GPR39: variants seen among roughly 807,000 people sequenced by gnomAD.
The protein encoded by GPR39 is zinc sensing receptor.
GPR39 carries 23 observed loss-of-function variants against 18.4 expected under a neutral mutation model. That is an observed-to-expected ratio of 1.25 (90% confidence interval 0.90 to 1.77). GPR39 has a LOEUF of 1.77. GPR39 is among the 40% of genes most tolerant of loss of function. The probability of loss-of-function intolerance (pLI) is 0.00; values close to 1 mark genes in which losing one functional copy is unlikely to be tolerated. For missense variants in GPR39, 647 were observed against 602.4 expected, an observed-to-expected ratio of 1.07 and a Z score of -0.78; for synonymous variants, 280 against 257.9, an observed-to-expected ratio of 1.09 and a Z score of -0.82.
intron 1 of GPR39, among the ~76,000 whole-genome samples, chr2:132,644,496 G>GT (rs1405899627): frequency 1.3e-5 from 2 of 152,204 alleles, no homozygotes; most frequent in Non-Finnish European, 2.9e-5. Context: ...ATGATTATAG[G>GT]TGTGCATACC....
At chr2:132,577,337 C>CTG (rs1680547239) in intron 1 of GPR39, among the ~76,000 whole-genome samples, 3 of 146,158 alleles carry the variant, frequency 2.1e-5, no homozygotes, top group African/African-American at 8.4e-5. Flanking sequence ...AGCCTGGGCC[C>CTG]TGTCTCAGAA....
chr2:132,533,527 C>T (rs1295009928), intron 1 of GPR39, among the ~76,000 whole-genome samples: 51 of 147,978 alleles, frequency 3.4e-4, no homozygotes, highest in Middle Eastern at 3.5e-3. Flanking sequence ...AAAAAGAGCC[C>T]GCATTGCCAA....
chr2:132,459,811 T>C (rs1349036185), intron 1 of GPR39, among the ~76,000 whole-genome samples: 1 of 152,230 alleles, frequency 6.6e-6, no homozygotes, highest in African/African-American at 2.4e-5. Context: ...CTTGAACTTA[T>C]ATGACACTGA....
intron 1 of GPR39, among the ~76,000 whole-genome samples, chr2:132,537,992 T>C (rs1437834560): frequency 6.6e-6 from 1 of 152,116 alleles, no homozygotes; most frequent in African/African-American, 2.4e-5. Flanking sequence ...GGTTAGAACA[T>C]GCTCCTTTAG....
At position 132,416,831 on chromosome 2, in the gene GPR39, AG is replaced by A; in HGVS notation, c.-210del. ...CATACACTCCCAAACCTCAACACCCAGGCGCCTCCTGGGCCTCTCCTAGGTT... is the reference window on the plus strand; with the variant it reads ...CATACACTCCCAAACCTCAACACCCAGCGCCTCCTGGGCCTCTCCTAGGTT... On this transcript the variant is annotated 5_prime_UTR_variant, in exon 1 of 2. Transcript: ENST00000329321. 1 of 626,884 alleles carries A rather than the reference AG, an allele frequency of 1.6e-6. No homozygotes were observed. Among genetic ancestry groups the A allele is most frequent in the Non-Finnish European group, 2.8e-6 (1 of 361,866 alleles). The allele number at this position is 626,884 out of a possible 1,614,324, so 38.8% of individuals were successfully genotyped here. A position where few individuals can be genotyped will look rare whatever the true frequency, so the allele number is the denominator to read the frequency against.
At chr2:132,454,671 A>G (rs1312848127) in intron 1 of GPR39, among the ~76,000 whole-genome samples, 3 of 152,242 alleles carry the variant, frequency 2.0e-5, no homozygotes, top group East Asian at 3.9e-4. Context: ...TACCTAGTTT[A>G]TTGAGAGTTT....
chr2:132,471,791 GC>G (rs1229102835), intron 1 of GPR39, among the ~76,000 whole-genome samples: 1 of 151,836 alleles, frequency 6.6e-6, no homozygotes, highest in African/African-American at 2.4e-5. Context: ...TACTTCCTTT[GC>G]AATAAAATGG....
intron 1 of GPR39, among the ~76,000 whole-genome samples, chr2:132,458,418 T>G (rs952736915): frequency 1.3e-4 from 19 of 151,578 alleles, no homozygotes; most frequent in Non-Finnish European, 2.5e-4. Context: ...TGAGCTCATA[T>G]ATATCTACTT....
In GPR39 at chr2:132,417,678, C is replaced by T. The variant is rs892439722; in HGVS notation, c.636C>T (p.Asn212=). 3.1e-6 allele frequency: 5 copies of T among 1,614,086 alleles called. No homozygotes were observed. The highest frequency in any genetic ancestry group is 4.2e-6 in the Non-Finnish European group (5 of 1,180,044). ...CCTCCAATATGTCCATCTGTACCAACCTCTCCAGCCGCTGGACCGTGTTCC... is the reference window on the plus strand; with the variant it reads ...CCTCCAATATGTCCATCTGTACCAATCTCTCCAGCCGCTGGACCGTGTTCC... The part of the protein sequence containing the change: ...PETSNMSICT[N]LSSRWTVFQS... The change falls in exon 1 of 2, where the codon AAC becomes AAT. Residue 212 remains asparagine, a synonymous_variant. Transcript: ENST00000329321.
At position 132,417,517 on chromosome 2, in the gene GPR39, G is replaced by A. The variant is rs1378454923; in HGVS notation, c.475G>A (p.Val159Ile). ...PCQVKLLIGF[V>I]WVTSALVALP... ...CCAGGTGAAGCTGCTGATTGGCTTC[G>A]TCTGGGTCACCTCCGCCCTGGTGGC... Residue 159 changes from valine to isoleucine, a missense_variant, in exon 1 of 2, where the codon GTC (valine) becomes ATC (isoleucine). Physicochemically the swap from Val to Ile is conservative, Grantham distance 29. Transcript: ENST00000329321. The A allele has an allele frequency of 6.2e-7, 1 of 1,614,002 alleles. No individual in the cohort carries two copies. Among genetic ancestry groups the A allele is most frequent in the Non-Finnish European group, 8.5e-7 (1 of 1,180,024 alleles).
At chr2:132,575,135 AG>A (rs1680507697) in intron 1 of GPR39, among the ~76,000 whole-genome samples, 1 of 152,202 alleles carries the variant, frequency 6.6e-6, no homozygotes, top group Admixed American at 6.5e-5. Flanking sequence ...AGTACATAAA[AG>A]CTTTCTTACT....
intron 1 of GPR39, among the ~76,000 whole-genome samples, chr2:132,428,660 A>G (rs1188440711): frequency 6.6e-6 from 1 of 152,210 alleles, no homozygotes; most frequent in Non-Finnish European, 1.5e-5. Context: ...TCCCTGGAAT[A>G]CCTATGTCCT....
intron 1 of GPR39, among the ~76,000 whole-genome samples, chr2:132,546,466 C>G (rs998291889): frequency 4.6e-5 from 7 of 152,110 alleles, no homozygotes; most frequent in African/African-American, 1.7e-4. Context: ...AAGACTAATC[C>G]TGAGACCGTA....
intron 1 of GPR39, among the ~76,000 whole-genome samples, chr2:132,508,844 T>C (rs1284319769): frequency 6.6e-6 from 1 of 152,172 alleles, no homozygotes; most frequent in Non-Finnish European, 1.5e-5. Context: ...AAATGTCTGC[T>C]CCAACCTTAT....
intron 1 of GPR39, among the ~76,000 whole-genome samples, chr2:132,549,181 A>G (rs1679997725): frequency 6.6e-6 from 1 of 152,156 alleles, no homozygotes; most frequent in Non-Finnish European, 1.5e-5. Flanking sequence ...TGTCACATAG[A>G]AATGAGCACA....
intron 1 of GPR39, among the ~76,000 whole-genome samples, chr2:132,492,392 C>CACCATATATATACATACCATATATAT: frequency 7.6e-6 from 1 of 131,454 alleles, no homozygotes; most frequent in Non-Finnish European, 1.6e-5. Context: ...CATATATATA[C>CACCATATATATACATACCATATATAT]ACCATATATA....
chr2:132,422,422 G>C (rs558644159), intron 1 of GPR39, among the ~76,000 whole-genome samples: 1 of 150,166 alleles, frequency 6.7e-6, no homozygotes, highest in Non-Finnish European at 1.5e-5. Context: ...TGTATATTTC[G>C]TATTACACAG....
intron 1 of GPR39, among the ~76,000 whole-genome samples, chr2:132,493,483 TACACC>T (rs1681560540): frequency 7.4e-6 from 1 of 134,334 alleles, no homozygotes; most frequent in South Asian, 2.4e-4. Flanking sequence ...TATATATATA[TACACC>T]ATATATATAT....
Position 132,599,525 on chromosome 2 carries a change from C to T in GPR39, c.857-45576C>T, listed in dbSNP as rs377446529. Among the ~76,000 whole-genome samples the T allele has an allele frequency of 3.9e-5, 6 of 152,274 alleles. No homozygotes were observed. In the South Asian group the frequency reaches 6.2e-4, roughly 16 times the overall value. ...TCTGGACTGCTTAGATTCTAGTCTT[C>T]GCATCACTTAGTGTCTACATCTGGG... is the stretch of plus-strand genomic sequence containing the variant. On this transcript the variant is annotated intron_variant, in intron 1 of 1. Coordinates refer to ENST00000329321, the MANE Select transcript of GPR39 (RefSeq NM_001508.3).
Sources: allele counts gnomAD v4.1 joint callset (sites outside exome capture counted in the v4.1 genomes callset), GRCh38; gene constraint gnomAD v4.1.1; transcripts MANE v1.5; gene names NCBI Gene and HGNC (gene_info 2026-07-23, HGNC 2026-07-21).